GMDS: variants seen among roughly 807,000 people sequenced by gnomAD.
GMDS encodes the protein GDP-mannose 4,6 dehydratase.
In GMDS, 20 loss-of-function variants were observed where a neutral mutation model predicts 49.9. The observed-to-expected ratio is 0.40, with a 90% CI of 0.28 to 0.58. GMDS has a LOEUF of 0.58. GMDS is among the 20% of genes least tolerant of loss of function. The pLI is 0.42. For missense variants in GMDS, 362 were observed against 481.4 expected (o/e 0.75, Z 2.32); for synonymous variants, 177 against 178.6 (o/e 0.99, Z 0.07).
At chr6:2,002,892 T>C (rs1056362956) in intron 4 of GMDS, among the ~76,000 whole-genome samples, 1 of 152,218 alleles carries the variant, frequency 6.6e-6, no homozygotes. Flanking sequence ...CAGAAATATC[T>C]ACCACTCTTA....
rs10629924 is a variant in GMDS, at chr6:1,843,109, CAAATAAAATA to C, written c.771+86984_771+86993del. 2.5e-3 allele frequency among the ~76,000 whole-genome samples: 343 copies of C among 137,166 alleles called. 2 individuals are homozygous for C. Among genetic ancestry groups the C allele is most frequent in the East Asian group, 0.011 (50 of 4,688 alleles). 90.0% of individuals were successfully genotyped at this position (137,166 alleles called of 152,430 possible). On this transcript the variant is annotated intron_variant, in intron 7 of 10. Transcript: ENST00000380815. ...TGAGCAACAGAGTAAGACCCTGCAT[CAAATAAAATA>C]AAATAAAATAAAATAAAATAAAATA... is the stretch of plus-strand genomic sequence containing the variant.
At chr6:1,627,295 A>G (rs901454171) in intron 9 of GMDS, among the ~76,000 whole-genome samples, 3 of 152,248 alleles carry the variant, frequency 2.0e-5, no homozygotes, top group African/African-American at 7.2e-5. Context: ...TAGGCACAGG[A>G]CATACTTAAA....
At chr6:1,798,741 C>CATAGTCA (rs1769835002) in intron 7 of GMDS, among the ~76,000 whole-genome samples, 1 of 152,160 alleles carries the variant, frequency 6.6e-6, no homozygotes, top group African/African-American at 2.4e-5. Context: ...TTCTGTTTTG[C>CATAGTCA]CAGTGCCTCC....
At chr6:1,777,588 A>G (rs1768890796) in intron 7 of GMDS, among the ~76,000 whole-genome samples, 1 of 152,238 alleles carries the variant, frequency 6.6e-6, no homozygotes, top group Admixed American at 6.5e-5. Flanking sequence ...TTGTAATGAC[A>G]TCAATATTTC....
At chr6:1,933,192 A>G (rs916719663) in intron 6 of GMDS, among the ~76,000 whole-genome samples, 4 of 152,230 alleles carry the variant, frequency 2.6e-5, no homozygotes, top group African/African-American at 9.6e-5. Flanking sequence ...GTTCATCCAT[A>G]CTGTAGCTTG....
intron 6 of GMDS, among the ~76,000 whole-genome samples, chr6:1,932,650 G>A (rs906678880): frequency 6.7e-6 from 1 of 148,782 alleles, no homozygotes; most frequent in African/African-American, 2.5e-5. Context: ...CCATTCTCCT[G>A]CCTCAGCCTC....
intron 4 of GMDS, among the ~76,000 whole-genome samples, chr6:2,084,069 C>T (rs1392503712): frequency 1.3e-5 from 2 of 152,162 alleles, no homozygotes; most frequent in Non-Finnish European, 2.9e-5. Context: ...AAATACCGTG[C>T]TACACTTTAT....
chr6:1,899,187 C>G (rs1760373073), intron 7 of GMDS, among the ~76,000 whole-genome samples: 1 of 152,152 alleles, frequency 6.6e-6, no homozygotes, highest in South Asian at 2.1e-4. Context: ...TGTGAACACA[C>G]CAGGCACATG....
At chr6:2,059,707 C>CAAAAAAAAAAAAAAAAAAAAA (rs35230658) in intron 4 of GMDS, among the ~76,000 whole-genome samples, 13 of 17,772 alleles carry the variant, frequency 7.3e-4, no homozygotes, top group South Asian at 6.8e-3. Flanking sequence ...GACTCCGTCT[C>CAAAAAAAAAAAAAAAAAAAAA]AAAAAAAAAA....
intron 4 of GMDS, among the ~76,000 whole-genome samples, chr6:2,046,937 T>C (rs1770053344): frequency 6.6e-6 from 1 of 152,216 alleles, no homozygotes; most frequent in South Asian, 2.1e-4. Context: ...AACTCCATCA[T>C]AATCCTTACA....
At chr6:1,752,839 A>G (rs905044185) in intron 7 of GMDS, among the ~76,000 whole-genome samples, 1 of 152,354 alleles carries the variant, frequency 6.6e-6, no homozygotes, top group East Asian at 1.9e-4. Context: ...AAATGCTGAG[A>G]GATTTTGTCA....
chr6:1,636,347 G>A (rs1763147631), intron 9 of GMDS, among the ~76,000 whole-genome samples: 1 of 152,196 alleles, frequency 6.6e-6, no homozygotes. Flanking sequence ...TGAAGGTCTT[G>A]GGATTCCTGA....
rs146408668 is a variant in GMDS, at chr6:2,235,511, A to C, written c.102+9810T>G. 8.0e-3 allele frequency among the ~76,000 whole-genome samples: 1,218 copies of C among 152,282 alleles called. 5 individuals are homozygous for C. Among genetic ancestry groups the C allele is most frequent in the Non-Finnish European group, 0.012 (839 of 68,020 alleles). The stretch of plus-strand genomic sequence containing the variant: ...TCCCCATAGTCTGCATGGAGACATA[A>C]GAGGAAAACTGGGGCCAGGCACAGT... On this transcript the variant is annotated intron_variant, in intron 1 of 10. Transcript: ENST00000380815.
chr6:1,690,350 G>C (rs191080808), intron 9 of GMDS, among the ~76,000 whole-genome samples: 1 of 152,064 alleles, frequency 6.6e-6, no homozygotes, highest in Non-Finnish European at 1.5e-5. Context: ...TTTATAGTTC[G>C]AGATTTTACA....
chr6:1,962,591 G>T (rs1206654524), intron 4 of GMDS, among the ~76,000 whole-genome samples: 13 of 152,092 alleles, frequency 8.5e-5, no homozygotes, highest in Admixed American at 8.5e-4. Flanking sequence ...CATCCTAGTG[G>T]TGTGAAGTGC....
chr6:1,655,156 G>T (rs543924401), intron 9 of GMDS, among the ~76,000 whole-genome samples: 2 of 151,698 alleles, frequency 1.3e-5, no homozygotes, highest in East Asian at 1.9e-4. Flanking sequence ...TTTCAAAAAG[G>T]AGATTAAAAG....
At chr6:1,864,104 A>G (rs1228555098) in intron 7 of GMDS, among the ~76,000 whole-genome samples, 1 of 152,218 alleles carries the variant, frequency 6.6e-6, no homozygotes, top group Non-Finnish European at 1.5e-5. Context: ...CAGTTCAAAA[A>G]ACAATCCCAA....
At chr6:1,673,473 C>A (rs1027484183) in intron 9 of GMDS, among the ~76,000 whole-genome samples, 1 of 152,092 alleles carries the variant, frequency 6.6e-6, no homozygotes, top group Admixed American at 6.5e-5. Flanking sequence ...TCCTCCACCC[C>A]ACTCTTGCAC....
chr6:1,919,290 T>C (rs1761589726), intron 7 of GMDS, among the ~76,000 whole-genome samples: 1 of 152,214 alleles, frequency 6.6e-6, no homozygotes, highest in African/African-American at 2.4e-5. Flanking sequence ...GCCCAACCAT[T>C]CTCTCTATGA....
Sources: gnomAD v4.1 joint callset for allele counts (sites outside exome capture counted in the v4.1 genomes callset) on GRCh38, gnomAD v4.1.1 for gene constraint, MANE v1.5 for transcripts, NCBI Gene and HGNC (gene_info 2026-07-23, HGNC 2026-07-21) for gene names.